KIAA0319: variants seen among roughly 807,000 people sequenced by gnomAD.
KIAA0319 encodes the protein dyslexia-associated protein KIAA0319.
Under a neutral mutation model 108.4 loss-of-function variants are expected in KIAA0319, and 83 were observed. That is an observed-to-expected ratio of 0.77 (90% CI 0.64 to 0.92). The LOEUF (loss-of-function observed/expected upper bound fraction) is 0.92. KIAA0319 is among the 40% of genes least tolerant of loss of function. The pLI, the probability that KIAA0319 is intolerant of heterozygous loss-of-function variation, is 0.00. For synonymous variants in KIAA0319, 484 were observed against 510.4 expected (o/e 0.95, Z 0.70); for missense variants, 1,195 against 1,322.4 (o/e 0.90, Z 1.49).
chr6:24,610,556 C>T (rs887822281), intron 1 of KIAA0319, among the ~76,000 whole-genome samples: 4 of 152,086 alleles, frequency 2.6e-5, no homozygotes, highest in Admixed American at 2.6e-4. Context: ...ACTATATAAC[C>T]CAGCAATTCT....
rs1767955548 is a variant in KIAA0319, at chr6:24,588,723, C to T, written c.864G>A (p.Glu288=). 1.2e-6 allele frequency: 2 copies of T among 1,613,962 alleles called. No individual in the cohort carries two copies. The highest frequency in any genetic ancestry group is 1.3e-5 in the African/African-American group (1 of 74,942). The change falls in exon 4 of 21, where the codon GAG becomes GAA. Residue 288 remains glutamate (E), a synonymous_variant. Transcript: ENST00000378214. ...ASLELSSVTV[E]KSPVLTVTPG... ...GGGTGACTGTGAGCACTGGGCTTTT[C>T]TCCACGGTGACTGAGCTGAGCTCCA...
chr6:24,619,555 G>C (rs891353799), intron 1 of KIAA0319, among the ~76,000 whole-genome samples: 4 of 152,134 alleles, frequency 2.6e-5, no homozygotes, highest in South Asian at 4.2e-4. Context: ...ATGGGAGAGA[G>C]GGCTGGAGAC....
chr6:24,553,325 A>G (rs1213366908), intron 19 of KIAA0319, among the ~76,000 whole-genome samples: 35 of 116,250 alleles, frequency 3.0e-4, no homozygotes, highest in African/African-American at 1.1e-3. Context: ...ACACACACAC[A>G]CACACACACA....
intron 2 of KIAA0319, chr6:24,600,493 T>A (rs937123871): frequency 3.2e-5 from 21 of 652,612 alleles, no homozygotes; most frequent in Non-Finnish European, 5.3e-5. Context: ...GAGTGTGGCA[T>A]GAGAAACTGC....
At chr6:24,606,807 AG>A (rs1479864551) in intron 1 of KIAA0319, among the ~76,000 whole-genome samples, 1 of 152,180 alleles carries the variant, frequency 6.6e-6, no homozygotes, top group Non-Finnish European at 1.5e-5. Flanking sequence ...AAAACTTCTG[AG>A]GGAAGCTCTT....
At chr6:24,633,246 G>A (rs1228579980) in intron 1 of KIAA0319, among the ~76,000 whole-genome samples, 1 of 152,146 alleles carries the variant, frequency 6.6e-6, no homozygotes, top group East Asian at 1.9e-4. Flanking sequence ...GGTAGAAGGT[G>A]CACTAATCAG....
chr6:24,558,878 T>C, intron 17 of KIAA0319, 135 bp downstream of exon 17: 7 of 871,272 alleles, frequency 8.0e-6, no homozygotes, highest in South Asian at 3.7e-5. Flanking sequence ...GGAAACTCTA[T>C]TGGAGAAATA....
chr6:24,579,322 T>A (rs1394804727), intron 8 of KIAA0319, among the ~76,000 whole-genome samples: 1 of 150,922 alleles, frequency 6.6e-6, no homozygotes, highest in Non-Finnish European at 1.5e-5. Context: ...ACTGAAGACA[T>A]CCCTTCTAAG....
chr6:24,590,251 A>C (rs968652632), intron 3 of KIAA0319, among the ~76,000 whole-genome samples: 1 of 151,944 alleles, frequency 6.6e-6, no homozygotes, highest in Non-Finnish European at 1.5e-5. Flanking sequence ...CCAGATATTT[A>C]CTAGGCAACT....
Position 24,596,306 on chromosome 6 carries a change from C to G in KIAA0319, c.368G>C (p.Arg123Thr), listed in dbSNP as rs767458937. The G allele has an allele frequency of 6.2e-7, 1 of 1,614,172 alleles. No individual in the cohort carries two copies. The highest frequency in any genetic ancestry group is 8.5e-7 in the Non-Finnish European group (1 of 1,179,998). ...LLDYGDMMLN[R>T]GSPSGIWGDS... ...CCCCCAGATCCCCGAGGGGGAGCCC[C>G]TGTTCAGCATCATGTCCCCATAGTC... The change falls in exon 3 of 21, where the codon AGG (arginine) becomes ACG (threonine). Residue 123 changes from arginine (R) to threonine (T), a missense_variant. Transcript: ENST00000378214.
Position 24,554,629 on chromosome 6 carries a change from A to G in KIAA0319, c.2860T>C (p.Trp954Arg). The G allele has an allele frequency of 6.2e-7, 1 of 1,608,758 alleles. No homozygotes were observed. The highest frequency in any genetic ancestry group is 8.5e-7 in the Non-Finnish European group (1 of 1,176,782). ...AACACTGTCACATAGAATATACTCCACTCTGAAACACAAGAAAACCAAAGT... is the reference window on the plus strand; with the variant it reads ...AACACTGTCACATAGAATATACTCCGCTCTGAAACACAAGAAAACCAAAGT... The part of the protein sequence containing the change: ...YIWDGESNCE[W>R]SIFYVTVLAF... Residue 954 changes from tryptophan (W) to arginine (R), a missense_variant and splice_region_variant, in exon 19 of 21, where the codon TGG becomes CGG. Coordinates refer to ENST00000378214, the MANE Select transcript of KIAA0319 (RefSeq NM_014809.4).
At chr6:24,597,001 ATTC>A (rs773663302) in intron 2 of KIAA0319, among the ~76,000 whole-genome samples, 2 of 151,440 alleles carry the variant, frequency 1.3e-5, no homozygotes, top group Non-Finnish European at 2.9e-5. Context: ...CCATCTTTCT[ATTC>A]TTCTACCTTT....
At chr6:24,580,552 T>C (rs1478857039) in intron 7 of KIAA0319, among the ~76,000 whole-genome samples, 2 of 152,144 alleles carry the variant, frequency 1.3e-5, no homozygotes, top group Non-Finnish European at 2.9e-5. Flanking sequence ...TGGGCATACA[T>C]TTTCCCCTGA....
At chr6:24,581,069 A>G in intron 6 of KIAA0319, 56 bp from the exon 7 acceptor site, 1 of 1,132,112 alleles carries the variant, frequency 8.8e-7, no homozygotes, top group Non-Finnish European at 1.3e-6. Context: ...TGGGTCCACT[A>G]CGTAGAAAAA....
At chr6:24,573,564 C>T (rs1276813475) in intron 10 of KIAA0319, among the ~76,000 whole-genome samples, 1 of 152,088 alleles carries the variant, frequency 6.6e-6, no homozygotes, top group East Asian at 1.9e-4. Flanking sequence ...GAAATCCACA[C>T]AAAAAAGAAA....
intron 1 of KIAA0319, among the ~76,000 whole-genome samples, chr6:24,637,883 A>AGC (rs1776406426): frequency 6.6e-6 from 1 of 152,166 alleles, no homozygotes; most frequent in Non-Finnish European, 1.5e-5. Flanking sequence ...GTAGAATCCA[A>AGC]AGTCTACCTT....
intron 4 of KIAA0319, among the ~76,000 whole-genome samples, chr6:24,587,959 C>T (rs1354381050): frequency 6.6e-6 from 1 of 152,232 alleles, no homozygotes; most frequent in Non-Finnish European, 1.5e-5. Flanking sequence ...TCTCTATACC[C>T]ATCCAGGAAA....
intron 3 of KIAA0319, among the ~76,000 whole-genome samples, 178 bp from the exon 4 acceptor site, chr6:24,588,963 T>C (rs1020319806): frequency 6.6e-5 from 10 of 152,194 alleles, no homozygotes; most frequent in Admixed American, 4.6e-4. Context: ...CTCTTTGCTG[T>C]CTATTAGAAA....
At chr6:24,580,737 A>T (rs1766383265) in intron 7 of KIAA0319, among the ~76,000 whole-genome samples, 189 bp downstream of exon 7, 1 of 152,052 alleles carries the variant, frequency 6.6e-6, no homozygotes, top group South Asian at 2.1e-4. Flanking sequence ...AAGCAAGTAC[A>T]AAGTGTTATG....
Sources: allele counts gnomAD v4.1 joint callset (sites outside exome capture counted in the v4.1 genomes callset), GRCh38; gene constraint gnomAD v4.1.1; transcripts MANE v1.5; gene names NCBI Gene and HGNC (gene_info 2026-07-23, HGNC 2026-07-21).